CXCL13: variants seen among roughly 807,000 people sequenced by gnomAD.
CXCL13 encodes the protein C-X-C motif chemokine 13.
CXCL13 carries 7 observed loss-of-function variants against 12.2 expected under a neutral mutation model. That is an observed-to-expected ratio of 0.57 (90% CI 0.33 to 1.07). The LOEUF (loss-of-function observed/expected upper bound fraction) is 1.07. CXCL13 is among the 50% of genes least tolerant of loss of function. The pLI is 0.04. For missense variants in CXCL13, 113 were observed against 127.4 expected (o/e 0.89, Z 0.55); for synonymous variants, 47 against 42.4 (o/e 1.11, Z -0.42).
At chr4:77,572,392 C>A (rs572123535) in intron 1 of CXCL13, among the ~76,000 whole-genome samples, 57 of 151,714 alleles carry the variant, frequency 3.8e-4, no homozygotes, top group Non-Finnish European at 6.8e-4. Context: ...CAGAGTGAGA[C>A]CCTGTCTCAA....
intron 1 of CXCL13, among the ~76,000 whole-genome samples, chr4:77,588,745 G>C (rs1726540760): frequency 6.6e-6 from 1 of 151,936 alleles, no homozygotes; most frequent in Admixed American, 6.6e-5. Context: ...TCTTTTCCTG[G>C]ATTAATTTCT....
intron 1 of CXCL13, among the ~76,000 whole-genome samples, chr4:77,589,751 A>T (rs899003693): frequency 6.6e-6 from 1 of 152,180 alleles, no homozygotes; most frequent in African/African-American, 2.4e-5. Flanking sequence ...GAGATATTAT[A>T]TGCTTTTCTG....
At chr4:77,519,316 T>C (rs1378954766) in intron 1 of CXCL13, among the ~76,000 whole-genome samples, 1 of 152,184 alleles carries the variant, frequency 6.6e-6, no homozygotes. Context: ...ACTGTTCTCT[T>C]CAAAGCTCAG....
At chr4:77,550,861 G>T (rs1725500136) in intron 1 of CXCL13, among the ~76,000 whole-genome samples, 1 of 152,158 alleles carries the variant, frequency 6.6e-6, no homozygotes, top group Non-Finnish European at 1.5e-5. Flanking sequence ...TTATCATTAT[G>T]TCATACCCTT....
At chr4:77,512,791 T>C (rs1398504025) in intron 1 of CXCL13, among the ~76,000 whole-genome samples, 1 of 152,166 alleles carries the variant, frequency 6.6e-6, no homozygotes, top group South Asian at 2.1e-4. Context: ...TTATTGTTAT[T>C]ATTATACTTT....
intron 1 of CXCL13, among the ~76,000 whole-genome samples, chr4:77,519,478 G>A (rs1200612987): frequency 6.6e-6 from 1 of 152,170 alleles, no homozygotes; most frequent in Non-Finnish European, 1.5e-5. Flanking sequence ...GTGATGATGA[G>A]CATTTTTTCA....
intron 1 of CXCL13, among the ~76,000 whole-genome samples, chr4:77,513,127 T>C (rs949967303): frequency 6.6e-6 from 1 of 152,236 alleles, no homozygotes; most frequent in South Asian, 2.1e-4. Context: ...TTTATGGCTA[T>C]TCCATATACA....
At chr4:77,533,722 C>T (rs929813637) in intron 1 of CXCL13, among the ~76,000 whole-genome samples, 4 of 152,196 alleles carry the variant, frequency 2.6e-5, no homozygotes, top group Non-Finnish European at 4.4e-5. Flanking sequence ...CCTACTCAAG[C>T]CTCAGCAATG....
intron 1 of CXCL13, among the ~76,000 whole-genome samples, chr4:77,566,301 T>C (rs891562774): frequency 6.6e-6 from 1 of 152,246 alleles, no homozygotes; most frequent in Non-Finnish European, 1.5e-5. Flanking sequence ...TTCCTACCTC[T>C]TGTTTACCAG....
At chr4:77,608,377 T>C (rs1396215599) in intron 2 of CXCL13, among the ~76,000 whole-genome samples, 1 of 151,566 alleles carries the variant, frequency 6.6e-6, no homozygotes, top group Non-Finnish European at 1.5e-5. Context: ...GAGGCGGAGG[T>C]TGCGGTGAGC....
At chr4:77,587,151 C>T (rs1008845457) in intron 1 of CXCL13, among the ~76,000 whole-genome samples, 2 of 152,190 alleles carry the variant, frequency 1.3e-5, no homozygotes, top group Non-Finnish European at 2.9e-5. Flanking sequence ...GTCAACAGTG[C>T]TCTGAACAAT....
intron 1 of CXCL13, among the ~76,000 whole-genome samples, chr4:77,522,176 A>G (rs1345237108): frequency 6.6e-6 from 1 of 152,030 alleles, no homozygotes; most frequent in Non-Finnish European, 1.5e-5. Context: ...CTGAGAAGAA[A>G]GTGTTTTCTG....
intron 1 of CXCL13, among the ~76,000 whole-genome samples, chr4:77,561,757 A>T (rs1578054663): frequency 6.6e-6 from 1 of 151,940 alleles, no homozygotes; most frequent in Non-Finnish European, 1.5e-5. Flanking sequence ...CACTCTCAGC[A>T]CCTCCTTGGC....
At chr4:77,534,158 A>G (rs1374691853) in intron 1 of CXCL13, among the ~76,000 whole-genome samples, 2 of 152,170 alleles carry the variant, frequency 1.3e-5, no homozygotes, top group Admixed American at 1.3e-4. Context: ...AGTTGTTCCT[A>G]TTCGACCATC....
chr4:77,540,829 C>T (rs952556427), intron 1 of CXCL13, among the ~76,000 whole-genome samples: 1 of 152,130 alleles, frequency 6.6e-6, no homozygotes, highest in Non-Finnish European at 1.5e-5. Context: ...TTTGAGAAGT[C>T]TCTAAACTGC....
At chr4:77,519,796 A>G (rs549158071) in intron 1 of CXCL13, among the ~76,000 whole-genome samples, 1 of 152,322 alleles carries the variant, frequency 6.6e-6, no homozygotes, top group Non-Finnish European at 1.5e-5. Flanking sequence ...GCCCATGCCT[A>G]TGTCCTGAAT....
At chr4:77,563,765 TCTC>T (rs1466474887) in intron 1 of CXCL13, among the ~76,000 whole-genome samples, 3 of 152,212 alleles carry the variant, frequency 2.0e-5, no homozygotes, top group African/African-American at 4.8e-5. Flanking sequence ...TCATAGGAAT[TCTC>T]CTCCTCATTG....
At chr4:77,512,958 G>A (rs1165310575) in intron 1 of CXCL13, among the ~76,000 whole-genome samples, 2 of 152,028 alleles carry the variant, frequency 1.3e-5, no homozygotes, top group Admixed American at 6.6e-5. Context: ...GCCCCAGTTT[G>A]TGATGTTCCC....
Position 77,572,107 on chromosome 4 carries a change from C to T in CXCL13, c.-42-33717C>T, listed in dbSNP as rs999350396. On this transcript the variant is annotated intron_variant, in intron 1 of 4. Coordinates refer to the CXCL13 transcript ENST00000286758. ...CACCGCGAGGGTCCGCGGCTTCATT[C>T]TTGAAGTCAGTGAGACCAAGAACCC... Among the ~76,000 whole-genome samples the T allele has an allele frequency of 5.3e-5, 8 of 151,940 alleles. 1 individual carries two copies. Among genetic ancestry groups the T allele is most frequent in the African/African-American group, 9.7e-5 (4 of 41,188 alleles).
Sources: allele counts gnomAD v4.1 joint callset (sites outside exome capture counted in the v4.1 genomes callset), GRCh38; gene constraint gnomAD v4.1.1; transcripts MANE v1.5; gene names NCBI Gene and HGNC (gene_info 2026-07-23, HGNC 2026-07-21).